The following RSPH3 variants were observed in gnomAD, a reference collection of about 807,000 sequenced individuals.
RSPH3 encodes radial spoke head protein 3 homolog.
RSPH3 carries 21 observed loss-of-function variants against 43.8 expected under a neutral mutation model. The ratio of observed to expected loss-of-function variants is 0.48; its 90% CI spans 0.34 to 0.69. The LOEUF (loss-of-function observed/expected upper bound fraction) is 0.69. Ranked by LOEUF, RSPH3 falls within the 30% of genes least tolerant of loss-of-function variation. RSPH3 has a pLI of 0.01. For synonymous variants in RSPH3, 173 were observed against 179.8 expected (o/e 0.96, Z 0.30); for missense variants, 487 against 516.0 (o/e 0.94, Z 0.54).
At chr6:158,993,056 G>C (rs1437788943) in intron 2 of RSPH3, among the ~76,000 whole-genome samples, 3 of 152,158 alleles carry the variant, frequency 2.0e-5, no homozygotes, top group African/African-American at 7.2e-5. Flanking sequence ...TTTAAGTACA[G>C]AAATTGAGAG....
chr6:158,989,465 C>T lies in RSPH3; in HGVS notation c.205-3044G>A, dbSNP rs1339922833. ...CTGCCCATCCTGAATGGGGGAGGTC[C>T]CAAAGGGGATACACTGGTAGTGTGA... is the stretch of plus-strand genomic sequence containing the variant. On this transcript the variant is annotated intron_variant, in intron 2 of 7. Transcript: ENST00000367069. The surrounding 1 kb of genome is among the most constrained non-coding windows in gnomAD (Gnocchi z 4.3). 6.6e-6 allele frequency among the ~76,000 whole-genome samples: 1 copy of T among 152,116 alleles called. No individual in the cohort carries two copies. The highest frequency in any genetic ancestry group is 2.4e-5 in the African/African-American group (1 of 41,412).
rs777474006 is a variant in RSPH3 at position 158,977,621 on chromosome 6, T to A, written c.1174A>T (p.Lys392Ter). ...AAGAGTTCTCTCTCTTCCATAAACT[T>A]CCTTTCCTGGGATGACCTTCTGTCA... is the stretch of plus-strand genomic sequence containing the variant. ...TYDRRSSQER[K>*]FMEERELLGQ... The change falls in exon 8 of 8, where the codon AAG becomes TAG. Residue 392 changes from lysine (K) to a stop codon, truncating the protein, a stop_gained. Coordinates refer to ENST00000367069, the MANE Select transcript of RSPH3 (RefSeq NM_031924.8). LOFTEE classifies it low-confidence loss of function (END_TRUNC). 1 of 1,614,078 alleles carries A rather than the reference T, an allele frequency of 6.2e-7. No individual in the cohort carries two copies. The highest frequency in any genetic ancestry group is 1.7e-5 in the Admixed American group (1 of 60,014).
intron 6 of RSPH3, 103 bp downstream of exon 6, chr6:158,980,671 T>G: frequency 1.1e-6 from 1 of 931,084 alleles, no homozygotes; most frequent in Non-Finnish European, 1.6e-6. Flanking sequence ...GTGTCAGAAA[T>G]AGAAAGACTC....
At chr6:158,987,362 T>C (rs1351220702) in intron 2 of RSPH3, among the ~76,000 whole-genome samples, 1 of 152,180 alleles carries the variant, frequency 6.6e-6, no homozygotes, top group Non-Finnish European at 1.5e-5. Flanking sequence ...TCTCTGTAGG[T>C]GAAGTGGGTT....
intron 1 of RSPH3, among the ~76,000 whole-genome samples, chr6:158,999,109 GCCCC>G (rs1363247104): frequency 6.6e-6 from 1 of 152,162 alleles, no homozygotes; most frequent in African/African-American, 2.4e-5. Flanking sequence ...GTATTTGAAT[GCCCC>G]CCGTAAGGTG....
Position 158,983,779 on chromosome 6 carries a change from G to A in RSPH3, c.375C>T (p.Arg125=). Residue 125 remains arginine, a synonymous_variant, in exon 4 of 8, where the codon CGC becomes CGT. Transcript: ENST00000367069. ...GGCATTCCATATCAACTTCTATTATGCGATCAGCAATTTCTTCAAGGTATA... is the reference window on the plus strand; with the variant it reads ...GGCATTCCATATCAACTTCTATTATACGATCAGCAATTTCTTCAAGGTATA... ...TELYLEEIAD[R]IIEVDMECQT... is the part of the protein sequence containing the mutation. 1 of 1,603,600 alleles carries A rather than the reference G, an allele frequency of 6.2e-7. No homozygotes were observed.
chr6:158,995,673 C>A (rs575610879), intron 1 of RSPH3, among the ~76,000 whole-genome samples: 1 of 152,274 alleles, frequency 6.6e-6, no homozygotes, highest in South Asian at 2.1e-4. Flanking sequence ...TGGCTCACTG[C>A]AAGCTCCGCC....
chr6:158,984,460 A>ATATATATATATATATATATATATATC (rs1778154207), intron 3 of RSPH3, among the ~76,000 whole-genome samples: 1 of 131,570 alleles, frequency 7.6e-6, no homozygotes, highest in African/African-American at 2.9e-5. Flanking sequence ...ATATATATAT[A>ATATATATATATATATATATATATATC]TATATATATA....
chr6:158,972,840 T>C (rs922672770), downstream of RSPH3: 1 of 152,266 alleles, frequency 6.6e-6, no homozygotes, highest in African/African-American at 2.4e-5. Flanking sequence ...TCAGTTATGT[T>C]ATTCTCTTGT....
At chr6:158,981,080 C>T (rs781495770) in intron 5 of RSPH3, 144 bp from the exon 6 acceptor site, 3 of 712,626 alleles carry the variant, frequency 4.2e-6, no homozygotes, top group Non-Finnish European at 6.7e-6. Context: ...TATTTTTCAT[C>T]AAAAATTTAA....
chr6:158,972,179 G>A (rs2235823), downstream of RSPH3, among the ~76,000 whole-genome samples: 17,236 of 152,072 alleles, frequency 0.11, 1,706 homozygotes, highest in East Asian at 0.41. Flanking sequence ...CTAATAATGA[G>A]AACTGTCCAA....
intron 2 of RSPH3, among the ~76,000 whole-genome samples, chr6:158,990,805 T>C (rs746159178): frequency 4.3e-4 from 66 of 152,170 alleles, no homozygotes; most frequent in Admixed American, 3.5e-3. Context: ...TATTTTTCCA[T>C]CTCATAGTTT....
chr6:158,988,979 A>G (rs1562564453), intron 2 of RSPH3, among the ~76,000 whole-genome samples: 2 of 152,068 alleles, frequency 1.3e-5, no homozygotes, highest in African/African-American at 4.8e-5. Context: ...CTCTGCACTG[A>G]AGGATTATTT....
At position 158,977,445 on chromosome 6, in the gene RSPH3, A is replaced by G. The variant is rs952511411; in HGVS notation, c.*93T>C. ...AAAAGACATACTGACTAAATACAAC[A>G]TAATTTCTATAACCTGAGGGGACTC... is the stretch of plus-strand genomic sequence containing the variant. On this transcript the variant is annotated 3_prime_UTR_variant, in exon 8 of 8. Transcript: ENST00000367069. 9.0e-7 allele frequency: 1 copy of G among 1,111,608 alleles called. No homozygotes were observed. Among genetic ancestry groups the G allele is most frequent in the Non-Finnish European group, 1.3e-6 (1 of 777,206 alleles). The allele number at this position is 1,111,608 out of a possible 1,614,324, so 68.9% of individuals were successfully genotyped here. A position where few individuals can be genotyped will look rare whatever the true frequency, so the allele number is the denominator to read the frequency against.
chr6:158,982,616 G>A lies in RSPH3; in HGVS notation c.565C>T (p.Leu189=), dbSNP rs1201806672. Residue 189 remains leucine, a synonymous_variant, in exon 5 of 8, where the codon CTG becomes TTG. Transcript: ENST00000367069. Reference sequence around the variant, plus strand: ...AGCTCTTCTTCTTCCATTACTTCCAGAAGAGACTGCTCAATTGTCTTCCCC... The same window carrying A: ...AGCTCTTCTTCTTCCATTACTTCCAAAAGAGACTGCTCAATTGTCTTCCCC... ...LVGKTIEQSL[L]EVMEEEELAN... 6.2e-7 allele frequency: 1 copy of A among 1,613,524 alleles called. No individual in the cohort carries two copies. The highest frequency in any genetic ancestry group is 1.3e-5 in the African/African-American group (1 of 74,736).
At chr6:158,990,876 C>T (rs559784550) in intron 2 of RSPH3, among the ~76,000 whole-genome samples, 4 of 144,970 alleles carry the variant, frequency 2.8e-5, no homozygotes, top group Non-Finnish European at 6.0e-5. Flanking sequence ...TGTTCTTCAG[C>T]TCTCTCAGCC....
At chr6:158,983,885 G>GGAC in intron 3 of RSPH3, 78 bp from the exon 4 acceptor site, 2 of 1,068,378 alleles carry the variant, frequency 1.9e-6, no homozygotes, top group Non-Finnish European at 2.9e-6. Flanking sequence ...CATAATCCCA[G>GGAC]CACTTTGGGA....
chr6:158,977,880 ATT>A (rs1777903873), intron 7 of RSPH3, 32 bp from the exon 8 acceptor site: 1 of 1,527,474 alleles, frequency 6.5e-7, no homozygotes, highest in African/African-American at 1.4e-5. Flanking sequence ...CATCACTATG[ATT>A]TTCATATTAT....
chr6:158,996,691 T>C (rs1450119930), intron 1 of RSPH3, among the ~76,000 whole-genome samples: 1 of 152,176 alleles, frequency 6.6e-6, no homozygotes, highest in African/African-American at 2.4e-5. Context: ...ACATAAAATT[T>C]TGAACATGAA....
Sources: allele counts gnomAD v4.1 joint callset (sites outside exome capture counted in the v4.1 genomes callset), GRCh38; gene constraint gnomAD v4.1.1; non-coding constraint Gnocchi (gnomAD v3.1); transcripts MANE v1.5; gene names NCBI Gene and HGNC (gene_info 2026-07-23, HGNC 2026-07-21).